Variants in YWHAB observed in about 807,000 individuals in gnomAD.
YWHAB encodes the protein 14-3-3 protein beta/alpha.
A neutral mutation model predicts 28.5 loss-of-function variants in YWHAB; 2 were observed. That is an observed-to-expected ratio of 0.07 (90% CI 0.03 to 0.22). YWHAB has a LOEUF of 0.22. Ranked by LOEUF, YWHAB falls within the 10% of genes least tolerant of loss-of-function variation. YWHAB has a pLI of 1.00. For synonymous variants in YWHAB, 103 were observed against 104.7 expected, an observed-to-expected ratio of 0.98 and a Z score of 0.10; for missense variants, 148 against 297.1, an observed-to-expected ratio of 0.50 and a Z score of 3.69.
At chr20:44,890,500 CTTTTTTTTTTTTTT>C (rs35619333) in intron 1 of YWHAB, among the ~76,000 whole-genome samples, 24 of 86,390 alleles carry the variant, frequency 2.8e-4, no homozygotes, top group African/African-American at 1.1e-3. Flanking sequence ...TGGATTCCTA[CTTTTTTTTTTTTTT>C]TTTTTTTTTT....
At chr20:44,895,277 A>T (rs1212384341) in intron 1 of YWHAB, among the ~76,000 whole-genome samples, 3 of 152,166 alleles carry the variant, frequency 2.0e-5, no homozygotes, top group African/African-American at 7.2e-5. Flanking sequence ...TTTATAGGGC[A>T]TGTGGTGCTG....
In YWHAB at chr20:44,898,539, T is replaced by G. The variant is rs2066608711; in HGVS notation, c.-3-2992T>G. ...TCCTTTTTTTTTTGAGATGGAATCTTGCTCTGTTGCCCAGGCCAGAGTGCA... is the reference window on the plus strand; with the variant it reads ...TCCTTTTTTTTTTGAGATGGAATCTGGCTCTGTTGCCCAGGCCAGAGTGCA... On this transcript the variant is annotated intron_variant, in intron 1 of 5. Transcript: ENST00000353703. Among the ~76,000 whole-genome samples, 3 of 151,964 alleles carry G rather than the reference T, an allele frequency of 2.0e-5. No homozygotes were observed. The South Asian group carries it at 6.2e-4, about 32-fold the overall frequency.
chr20:44,905,180 G>T, intron 4 of YWHAB, 49 bp downstream of exon 4: 1 of 1,532,438 alleles, frequency 6.5e-7, no homozygotes, highest in Non-Finnish European at 8.8e-7. Context: ...CAGTGCTTGT[G>T]TTATTAACTT....
At position 44,887,919 on chromosome 20, in the gene YWHAB, G is replaced by A. The variant is rs6065763; in HGVS notation, c.-4+2033G>A. On this transcript the variant is annotated intron_variant, in intron 1 of 5. Coordinates refer to ENST00000353703, the MANE Select transcript of YWHAB (RefSeq NM_139323.4). ...TTTTAATCAGAGTTCACTATTAATG[G>A]CTTTTTCTCTCCAGTTAACATCTGA... Among the ~76,000 whole-genome samples, 306 of 152,110 alleles carry A rather than the reference G, an allele frequency of 2.0e-3. 2 individuals carry two copies. Among genetic ancestry groups the A allele is most frequent in the Non-Finnish European group, 3.2e-3 (219 of 67,990 alleles).
chr20:44,904,244 C>T (rs1047213953), intron 3 of YWHAB, 128 bp downstream of exon 3: 3 of 1,236,724 alleles, frequency 2.4e-6, no homozygotes, highest in Admixed American at 2.4e-5. Context: ...TTTAAAAGAC[C>T]ACAGCATTGT....
At position 44,895,763 on chromosome 20, in the gene YWHAB, G is replaced by A. The variant is rs552489413; in HGVS notation, c.-3-5768G>A. Among the ~76,000 whole-genome samples, 19 of 152,344 alleles carry A rather than the reference G, an allele frequency of 1.2e-4. No homozygotes were observed. In the South Asian group the frequency reaches 1.7e-3, roughly 13 times the overall value. On this transcript the variant is annotated intron_variant, in intron 1 of 5. Transcript: ENST00000353703. ...GATTATAGATTGATCTGCCATGCCT[G>A]ACTGGAAGAGTGAATTACTCTTTGA...
intron 3 of YWHAB, 111 bp from the exon 4 acceptor site, chr20:44,904,857 A>ATATC (rs2066647454): frequency 7.8e-6 from 8 of 1,027,100 alleles, no homozygotes; most frequent in Non-Finnish European, 1.1e-5. Flanking sequence ...TTCATTTGAT[A>ATATC]GGTCATTGCT....
intron 1 of YWHAB, among the ~76,000 whole-genome samples, chr20:44,896,846 A>G (rs1009154855): frequency 2.6e-5 from 4 of 152,216 alleles, no homozygotes; most frequent in African/African-American, 9.6e-5. Context: ...TCCATGTTAT[A>G]TAAGTCAAAA....
chr20:44,903,478 T>C (rs113210933), intron 2 of YWHAB: 10 of 152,358 alleles, frequency 6.6e-5, no homozygotes, highest in African/African-American at 2.4e-4. Context: ...TAATACCAGT[T>C]TGTGGGTTTA....
intron 1 of YWHAB, among the ~76,000 whole-genome samples, chr20:44,896,488 C>T (rs1310145819): frequency 2.0e-5 from 3 of 152,134 alleles, no homozygotes; most frequent in Admixed American, 6.5e-5. Context: ...GGCAGAAGCA[C>T]ATATGATGTG....
At chr20:44,904,754 T>C (rs1417964702) in intron 3 of YWHAB, among the ~76,000 whole-genome samples, 2 of 152,256 alleles carry the variant, frequency 1.3e-5, no homozygotes, top group African/African-American at 4.8e-5. Flanking sequence ...GTAGACTTTG[T>C]CATAATTGTT....
intron 1 of YWHAB, among the ~76,000 whole-genome samples, chr20:44,898,962 C>G (rs1302418954): frequency 2.0e-5 from 3 of 150,208 alleles, no homozygotes; most frequent in East Asian, 4.0e-4. Flanking sequence ...ACTAAAAATA[C>G]AAAATCAGCC....
intron 1 of YWHAB, among the ~76,000 whole-genome samples, chr20:44,889,827 AC>A (rs2066550082): frequency 6.6e-6 from 1 of 152,246 alleles, no homozygotes; most frequent in African/African-American, 2.4e-5. Flanking sequence ...TTAAAAGTTG[AC>A]AATTCTCTCT....
chr20:44,889,151 A>T (rs1367272244), intron 1 of YWHAB, among the ~76,000 whole-genome samples: 1 of 152,256 alleles, frequency 6.6e-6, no homozygotes, highest in Non-Finnish European at 1.5e-5. Context: ...GTTACATAAT[A>T]GCAACCTTTA....
In YWHAB at chr20:44,908,184, A is replaced by T. The variant is rs2066671441; in HGVS notation, c.*1746A>T. 1 of 152,484 alleles carries T rather than the reference A, an allele frequency of 6.6e-6. No individual in the cohort carries two copies. 9.4% of individuals were successfully genotyped at this position (152,484 alleles called of 1,614,324 possible). The stretch of plus-strand genomic sequence containing the variant: ...AAAAAAAGAAAAAAACAAAAAAAAA[A>T]ATCCCTCCTTTCTAGCTGAACAAAA... On this transcript the variant is annotated 3_prime_UTR_variant, in exon 6 of 6. Coordinates refer to ENST00000353703, the MANE Select transcript of YWHAB (RefSeq NM_139323.4).
chr20:44,906,206 A>G, intron 5 of YWHAB, 110 bp downstream of exon 5: 1 of 1,197,028 alleles, frequency 8.4e-7, no homozygotes, highest in Non-Finnish European at 1.2e-6. Flanking sequence ...TACAGTTTTA[A>G]GTTGTTAAAT....
At chr20:44,900,081 G>A (rs1278544912) in intron 1 of YWHAB, among the ~76,000 whole-genome samples, 1 of 151,754 alleles carries the variant, frequency 6.6e-6, no homozygotes, top group Non-Finnish European at 1.5e-5. Flanking sequence ...AGGGGTCTCA[G>A]TTGGTTGCCC....
chr20:44,892,294 A>G (rs2066567265), intron 1 of YWHAB, among the ~76,000 whole-genome samples: 1 of 152,174 alleles, frequency 6.6e-6, no homozygotes, highest in African/African-American at 2.4e-5. Flanking sequence ...ATCTAGAAAA[A>G]CATACATGCA....
chr20:44,901,450 G>T, intron 1 of YWHAB, 81 bp from the exon 2 acceptor site: 1 of 1,385,120 alleles, frequency 7.2e-7, no homozygotes, highest in Non-Finnish European at 9.8e-7. Context: ...TTTCCAGATG[G>T]GTTGGAAGAA....
Sources: gnomAD v4.1 joint callset for allele counts (sites outside exome capture counted in the v4.1 genomes callset) on GRCh38, gnomAD v4.1.1 for gene constraint, MANE v1.5 for transcripts, NCBI Gene and HGNC (gene_info 2026-07-23, HGNC 2026-07-21) for gene names.